The following IGF2R variants were observed in gnomAD, a reference collection of about 807,000 sequenced individuals.
The protein encoded by IGF2R is cation-independent mannose-6-phosphate receptor.
In IGF2R, 91 loss-of-function variants were observed where a neutral mutation model predicts 270.6. The observed-to-expected ratio is 0.34, with a 90% CI of 0.28 to 0.40. IGF2R has a LOEUF of 0.40. IGF2R is among the 10% of genes least tolerant of loss of function. IGF2R has a pLI of 1.00. For synonymous variants in IGF2R, 1,316 were observed against 1,258.9 expected, an observed-to-expected ratio of 1.05 and a Z score of -0.96; for missense variants, 2,805 against 3,188.3, an observed-to-expected ratio of 0.88 and a Z score of 2.90.
chr6:160,091,922 G>C (rs565189087), intron 44 of IGF2R, among the ~76,000 whole-genome samples: 98 of 152,306 alleles, frequency 6.4e-4, no homozygotes, highest in African/African-American at 2.2e-3. Flanking sequence ...ACATGCCTCA[G>C]CCATCAGGTT....
At chr6:159,979,472 T>G (rs1783745987) in intron 1 of IGF2R, among the ~76,000 whole-genome samples, 1 of 152,128 alleles carries the variant, frequency 6.6e-6, no homozygotes. Flanking sequence ...TCTCTTCTCT[T>G]TTGTCTCTTT....
In IGF2R at chr6:160,063,477, C is replaced by T. The variant is rs767964612; in HGVS notation, c.3733C>T (p.Leu1245Phe). 2 of 1,613,496 alleles carry T rather than the reference C, an allele frequency of 1.2e-6. No individual in the cohort carries two copies. The highest frequency in any genetic ancestry group is 1.1e-5 in the South Asian group (1 of 91,054). Residue 1245 changes from leucine (L) to phenylalanine (F), a missense_variant, in exon 27 of 48, where the codon CTC (leucine) becomes TTC (phenylalanine). Physicochemically the swap from Leu to Phe is conservative, Grantham distance 22. Around this residue, in one of 2 missense-constraint regions of IGF2R, gnomAD observed 1,851 missense variants for 2,207.2 expected, o/e 0.84. Transcript: ENST00000356956. ...GNLYDLKPLG[L>F]NDTIVSAGEY... is the part of the protein sequence containing the mutation. ...CTTGTATGACCTGAAGCCCCTGGGC[C>T]TCAACGACACCATCGTGAGCGCTGG...
At chr6:160,073,180 T>C (rs779616650) in intron 33 of IGF2R, 33 bp from the exon 34 acceptor site, 2 of 1,603,988 alleles carry the variant, frequency 1.2e-6, no homozygotes, top group East Asian at 4.5e-5. Context: ...GAGTCTGTGA[T>C]TGTGTTTTCT....
intron 1 of IGF2R, among the ~76,000 whole-genome samples, chr6:159,970,653 C>G (rs963146033): frequency 6.6e-6 from 1 of 152,168 alleles, no homozygotes; most frequent in African/African-American, 2.4e-5. Flanking sequence ...GACCAGTTAG[C>G]TACCCTAAGA....
chr6:159,972,747 G>T (rs765683048), intron 1 of IGF2R, among the ~76,000 whole-genome samples: 9 of 152,226 alleles, frequency 5.9e-5, no homozygotes, highest in African/African-American at 2.2e-4. Flanking sequence ...GAAGGAGACA[G>T]CACCATTTCA....
At chr6:159,999,832 A>T (rs3798194) in intron 2 of IGF2R, among the ~76,000 whole-genome samples, 29,561 of 152,178 alleles carry the variant, frequency 0.19, 3,532 homozygotes, top group East Asian at 0.57. Flanking sequence ...AAAAGACAAT[A>T]GAACATTGGA....
Position 160,024,653 on chromosome 6 carries a change from G to T in IGF2R, c.595G>T (p.Asp199Tyr). The change falls in exon 5 of 48, where the codon GAT becomes TAT. Residue 199 changes from aspartate to tyrosine, a missense_variant. This residue lies in a region of IGF2R where 954 missense variants were observed against 981.1 expected (regional missense o/e 0.97). Transcript: ENST00000356956. ...CAAGCTTAGTGGTGCCTACTTGGTG[G>T]ATGACTCCGATCCGGACACTTCTCT... ...LIKLSGAYLV[D>Y]DSDPDTSLFI... 6.2e-7 allele frequency: 1 copy of T among 1,614,076 alleles called. No homozygotes were observed. The highest frequency in any genetic ancestry group is 8.5e-7 in the Non-Finnish European group (1 of 1,179,994).
At chr6:159,985,131 C>G (rs888708248) in intron 1 of IGF2R, among the ~76,000 whole-genome samples, 1 of 151,172 alleles carries the variant, frequency 6.6e-6, no homozygotes, top group African/African-American at 2.4e-5. Flanking sequence ...AATAGGAACT[C>G]AGAGATCTTT....
rs1476228710 is a variant in IGF2R at position 160,070,045 on chromosome 6, G to C, written c.4430G>C (p.Ser1477Thr). The change falls in exon 31 of 48, where the codon AGC becomes ACC. Residue 1477 changes from serine to threonine, a missense_variant. Ser to Thr is a moderately conservative substitution (Grantham distance 58). This residue lies in a region of IGF2R where 1,851 missense variants were observed against 2,207.2 expected (regional missense o/e 0.84). Transcript: ENST00000356956. ...KKSTTIRFTC[S>T]ESQVNSRPMF... ...TCAACCACCATCCGATTCACCTGCAGCGAGAGCCAAGTGGTAAGGGACTGT... is the reference window on the plus strand; with the variant it reads ...TCAACCACCATCCGATTCACCTGCACCGAGAGCCAAGTGGTAAGGGACTGT... The C allele has an allele frequency of 6.2e-7, 1 of 1,614,096 alleles. No homozygotes were observed. The highest frequency in any genetic ancestry group is 1.3e-5 in the African/African-American group (1 of 74,950).
rs1426814865 is a variant in IGF2R at position 159,969,377 on chromosome 6, C to T, written c.131C>T (p.Pro44Leu). 1.6e-6 allele frequency: 2 copies of T among 1,277,042 alleles called. No homozygotes were observed. The highest frequency in any genetic ancestry group is 2.0e-6 in the Non-Finnish European group (2 of 1,011,694). 79.1% of individuals were successfully genotyped at this position (1,277,042 alleles called of 1,614,324 possible). A position where few individuals can be genotyped will look rare whatever the true frequency, so the allele number is the denominator to read the frequency against. The change falls in exon 1 of 48, where the codon CCG (proline) becomes CTG (leucine). Residue 44 changes from proline (P) to leucine (L), a missense_variant. Around this residue, in one of 2 missense-constraint regions of IGF2R, gnomAD observed 954 missense variants for 981.1 expected, o/e 0.97. Transcript: ENST00000356956. ...GGGTCCACGCAGGCCCAGGCCGCCC[C>T]GTTCCCCGAGCTGTGCAGGTGGGTG... ...APGSTQAQAA[P>L]FPELCSYTWE... is the part of the protein sequence containing the mutation.
At chr6:160,069,818 T>C (rs375281034) in intron 30 of IGF2R, 50 bp from the exon 31 acceptor site, 240 of 1,566,332 alleles carry the variant, frequency 1.5e-4, no homozygotes, top group Non-Finnish European at 2.1e-4. Context: ...AGTTCTGTTC[T>C]AGCCTGGGGA....
chr6:160,069,931 G>T lies in IGF2R; in HGVS notation c.4316G>T (p.Arg1439Met). 6.2e-7 allele frequency: 1 copy of T among 1,614,232 alleles called. No individual in the cohort carries two copies. The highest frequency in any genetic ancestry group is 8.5e-7 in the Non-Finnish European group (1 of 1,180,036). ...LGGSKPVNLG[R>M]VRDGPQWRDG... ...GGCTCCAAGCCCGTGAACCTCGGCAGGGTAAGGGACGGACCTCAGTGGAGA... is the reference window on the plus strand; with the variant it reads ...GGCTCCAAGCCCGTGAACCTCGGCATGGTAAGGGACGGACCTCAGTGGAGA... The change falls in exon 31 of 48, where the codon AGG (arginine) becomes ATG (methionine). Residue 1439 changes from arginine to methionine, a missense_variant. By Grantham distance (91) the Arg-to-Met change is moderately conservative (BLOSUM62 -1). Around this residue, in one of 2 missense-constraint regions of IGF2R, gnomAD observed 1,851 missense variants for 2,207.2 expected, o/e 0.84. Transcript: ENST00000356956.
chr6:159,988,169 C>G (rs954862686), intron 1 of IGF2R, among the ~76,000 whole-genome samples: 1 of 152,176 alleles, frequency 6.6e-6, no homozygotes, highest in East Asian at 1.9e-4. Context: ...AGCAAACACA[C>G]TCTTTACCTT....
rs766438991 is a variant in IGF2R, at chr6:160,050,642, G to A, written c.2684G>A (p.Arg895Lys). 1.9e-6 allele frequency: 3 copies of A among 1,602,678 alleles called. No homozygotes were observed. The highest frequency in any genetic ancestry group is 2.2e-5 in the South Asian group (2 of 90,526). Residue 895 changes from arginine (R) to lysine (K), a missense_variant, in exon 19 of 48, where the codon AGG becomes AAG. This residue lies in a region of IGF2R where 1,851 missense variants were observed against 2,207.2 expected (regional missense o/e 0.84). Transcript: ENST00000356956. This position sits in a 1 kb window ranked among gnomAD's most constrained non-coding sequence, Gnocchi z 4.0. ...ACGAGGATCCATCTCGTCTGCTCCA[G>A]GGGCAGGCTGGTAAGGCACTGCTGC... ...YTTRIHLVCS[R>K]GRLNSHPIFS...
At chr6:159,971,498 G>A (rs946980995) in intron 1 of IGF2R, among the ~76,000 whole-genome samples, 16 of 152,144 alleles carry the variant, frequency 1.1e-4, no homozygotes, top group African/African-American at 3.9e-4. Flanking sequence ...GATTTTCTTA[G>A]GATGACAAAT....
chr6:160,089,870 T>A (rs1438014147), intron 43 of IGF2R, 46 bp from the exon 44 acceptor site: 1 of 1,389,354 alleles, frequency 7.2e-7, no homozygotes, highest in Non-Finnish European at 9.7e-7. Context: ...CATGAATGCC[T>A]TCTTGAAGGA....
At chr6:160,031,049 C>T (rs138822743) in intron 7 of IGF2R, among the ~76,000 whole-genome samples, 4 of 152,174 alleles carry the variant, frequency 2.6e-5, no homozygotes, top group South Asian at 2.1e-4. Context: ...GCTATGTTGC[C>T]CAGGCTGGTC....
Position 160,061,608 on chromosome 6 carries a change from G to A in IGF2R, c.3368G>A (p.Ser1123Asn). 6.2e-7 allele frequency: 1 copy of A among 1,614,162 alleles called. No homozygotes were observed. The highest frequency in any genetic ancestry group is 2.2e-5 in the East Asian group (1 of 44,882). The part of the protein sequence containing the change: ...VDGRKRTFYL[S>N]VCNPLPYIPG... ...GGGAGAAAGAGGACTTTCTATTTGA[G>A]CGTTTGCAATCCTCTCCCTTACATT... The change falls in exon 24 of 48, where the codon AGC becomes AAC. Residue 1123 changes from serine (S) to asparagine (N), a missense_variant. Ser to Asn is a conservative substitution (Grantham distance 46). This residue lies in a region of IGF2R where 1,851 missense variants were observed against 2,207.2 expected (regional missense o/e 0.84). Coordinates refer to ENST00000356956, the MANE Select transcript of IGF2R (RefSeq NM_000876.4).
In IGF2R at chr6:160,079,597, C is replaced by A; in HGVS notation, c.5496C>A (p.Arg1832=). 6.8e-7 allele frequency: 1 copy of A among 1,459,990 alleles called. No homozygotes were observed. The highest frequency in any genetic ancestry group is 9.1e-7 in the Non-Finnish European group (1 of 1,101,888). 90.4% of individuals were successfully genotyped at this position (1,459,990 alleles called of 1,614,324 possible). ...TSTFKVTRDS[R]TYSVGVCTFA... ...TTGTCCAGGTGACTCGCGACTCGCG[C>A]ACCTACAGCGTTGGGGTGTGCACCT... The change falls in exon 38 of 48, where the codon CGC becomes CGA. Residue 1832 remains arginine, a synonymous_variant. Transcript: ENST00000356956.
Sources: allele counts gnomAD v4.1 joint callset (sites outside exome capture counted in the v4.1 genomes callset), GRCh38; gene constraint gnomAD v4.1.1; regional missense constraint gnomAD v4.1.1; non-coding constraint Gnocchi (gnomAD v3.1); transcripts MANE v1.5; gene names NCBI Gene and HGNC (gene_info 2026-07-23, HGNC 2026-07-21).